APBB2: variants seen among roughly 807,000 people sequenced by gnomAD.
APBB2 encodes the protein amyloid beta precursor protein binding family B member 2, also known as Fe65-like 1.
A neutral mutation model predicts 82.5 loss-of-function variants in APBB2; 38 were observed. The observed-to-expected ratio is 0.46, with a 90% confidence interval of 0.36 to 0.60. The LOEUF is 0.60. Among genes scored for constraint, APBB2 ranks in the 20% least tolerant of loss-of-function variants. The probability of loss-of-function intolerance (pLI) is 0.00; values close to 1 mark genes in which losing one functional copy is unlikely to be tolerated. For synonymous variants in APBB2, 341 were observed against 368.2 expected, an observed-to-expected ratio of 0.93 and a Z score of 0.85; for missense variants, 772 against 972.3, an observed-to-expected ratio of 0.79 and a Z score of 2.74.
intron 10 of APBB2, among the ~76,000 whole-genome samples, chr4:40,932,041 G>A (rs1402168308): frequency 6.6e-6 from 1 of 152,144 alleles, no homozygotes; most frequent in Non-Finnish European, 1.5e-5. Context: ...AAGCAACACA[G>A]CCGGAAGGGA....
intron 12 of APBB2, among the ~76,000 whole-genome samples, chr4:40,835,132 C>A (rs950232843): frequency 6.6e-6 from 1 of 151,968 alleles, no homozygotes; most frequent in Non-Finnish European, 1.5e-5. Context: ...AAAACTTAGC[C>A]GGGCGTGGTG....
rs552953701 is a variant in APBB2 at position 41,062,149 on chromosome 4, A to G, written c.-51+3427T>C. ...CAGAACGTCAGCTTGAGGTTTCAAC[A>G]AGCAAATCTTATTTATTTATTTATT... On this transcript the variant is annotated intron_variant, in intron 4 of 17. Transcript: ENST00000508593. 1.3e-3 allele frequency among the ~76,000 whole-genome samples: 173 copies of G among 134,984 alleles called. 4 individuals carry two copies. In the South Asian group the frequency reaches 0.04, roughly 31 times the overall value. The allele number at this position is 134,984 out of a possible 152,430, so 88.6% of individuals were successfully genotyped here.
chr4:41,026,047 C>T (rs981518304), intron 5 of APBB2, among the ~76,000 whole-genome samples: 2 of 151,130 alleles, frequency 1.3e-5, no homozygotes, highest in African/African-American at 2.4e-5. Context: ...TTTGTAGGAA[C>T]ATGAATGGAG....
chr4:41,114,453 T>C (rs1455993642), intron 2 of APBB2, among the ~76,000 whole-genome samples: 2 of 152,304 alleles, frequency 1.3e-5, no homozygotes, highest in African/African-American at 2.4e-5. Flanking sequence ...TTCAACATAG[T>C]ATTGAAAGTT....
intron 10 of APBB2, among the ~76,000 whole-genome samples, chr4:40,905,558 C>T (rs1190850157): frequency 6.6e-6 from 1 of 152,222 alleles, no homozygotes; most frequent in Admixed American, 6.5e-5. Context: ...CCCAAGTCAG[C>T]TCCTGCCTGC....
intron 10 of APBB2, among the ~76,000 whole-genome samples, chr4:40,908,912 C>A (rs1024243934): frequency 6.6e-6 from 1 of 152,220 alleles, no homozygotes; most frequent in South Asian, 2.1e-4. Context: ...GGCAAGGAGG[C>A]CTATGGAGGC....
intron 1 of APBB2, among the ~76,000 whole-genome samples, chr4:41,165,758 C>T (rs1268876153): frequency 1.3e-5 from 2 of 152,126 alleles, no homozygotes; most frequent in Non-Finnish European, 1.5e-5. Context: ...CATGAAGGTA[C>T]CAGCAGTCAC....
intron 2 of APBB2, among the ~76,000 whole-genome samples, chr4:41,137,510 C>T (rs1326299123): frequency 6.6e-6 from 1 of 152,156 alleles, no homozygotes; most frequent in African/African-American, 2.4e-5. Context: ...TACTCTAACA[C>T]AGTGACTCAT....
intron 1 of APBB2, among the ~76,000 whole-genome samples, chr4:41,163,500 A>AT (rs1309632874): frequency 6.6e-6 from 1 of 152,212 alleles, no homozygotes; most frequent in Non-Finnish European, 1.5e-5. Context: ...ATATAAGCTG[A>AT]TTTTCAGCTT....
At chr4:40,949,132 T>C (rs1388100923) in intron 6 of APBB2, among the ~76,000 whole-genome samples, 3 of 152,126 alleles carry the variant, frequency 2.0e-5, no homozygotes, top group Middle Eastern at 3.4e-3. Flanking sequence ...TAGTCGGGCA[T>C]GGTGGCAAAC....
chr4:41,000,901 T>C (rs1805036253), intron 6 of APBB2, among the ~76,000 whole-genome samples: 1 of 151,898 alleles, frequency 6.6e-6, no homozygotes, highest in Non-Finnish European at 1.5e-5. Context: ...GGACATCAAC[T>C]AAAAGACGAA....
At chr4:41,099,824 T>C (rs935071005) in intron 3 of APBB2, among the ~76,000 whole-genome samples, 1 of 152,210 alleles carries the variant, frequency 6.6e-6, no homozygotes, top group African/African-American at 2.4e-5. Context: ...CTATTGTCGA[T>C]AATGTTTCTG....
At chr4:41,196,015 C>T in intron 1 of APBB2, among the ~76,000 whole-genome samples, 1 of 144,752 alleles carries the variant, frequency 6.9e-6, no homozygotes, top group East Asian at 1.9e-4. Context: ...AAAAAATTAG[C>T]TGGGTGTGGT....
intron 12 of APBB2, among the ~76,000 whole-genome samples, chr4:40,883,987 C>G (rs1432826803): frequency 6.6e-6 from 1 of 152,216 alleles, no homozygotes; most frequent in Non-Finnish European, 1.5e-5. Flanking sequence ...CTTATCTCTT[C>G]AATGAAGAAG....
chr4:40,990,816 T>C (rs987855826), intron 6 of APBB2, among the ~76,000 whole-genome samples: 27 of 152,170 alleles, frequency 1.8e-4, no homozygotes, highest in African/African-American at 6.3e-4. Context: ...TGTGGCATCT[T>C]CTCTTCCTCT....
chr4:41,052,930 A>AT (rs1362638997), intron 4 of APBB2, among the ~76,000 whole-genome samples: 7 of 151,804 alleles, frequency 4.6e-5, no homozygotes, highest in Admixed American at 1.3e-4. Context: ...CACTGGGCCA[A>AT]TTTTTTATAT....
chr4:41,121,697 T>C (rs1580213985), intron 2 of APBB2, among the ~76,000 whole-genome samples: 1 of 152,214 alleles, frequency 6.6e-6, no homozygotes, highest in Middle Eastern at 3.4e-3. Context: ...TCCCACCATA[T>C]TCCCTGGGTC....
intron 6 of APBB2, among the ~76,000 whole-genome samples, chr4:40,974,589 TAAG>T (rs1796706285): frequency 6.6e-6 from 1 of 152,238 alleles, no homozygotes; most frequent in Admixed American, 6.5e-5. Context: ...TATAGAATTA[TAAG>T]AAGGGATGCT....
chr4:40,872,555 C>T (rs1274727433), intron 12 of APBB2, among the ~76,000 whole-genome samples: 1 of 152,110 alleles, frequency 6.6e-6, no homozygotes, highest in Non-Finnish European at 1.5e-5. Flanking sequence ...ATCCTTGGTG[C>T]CAAGCATGGT....
Sources: allele counts gnomAD v4.1 joint callset (sites outside exome capture counted in the v4.1 genomes callset), GRCh38; gene constraint gnomAD v4.1.1; transcripts MANE v1.5; gene names NCBI Gene and HGNC (gene_info 2026-07-23, HGNC 2026-07-21).